WWOX: variants seen among roughly 807,000 people sequenced by gnomAD.
WWOX encodes WW domain-containing oxidoreductase.
In WWOX, 69 loss-of-function variants were observed where a neutral mutation model predicts 46.2. The observed-to-expected ratio is 1.49, with a 90% CI of 1.23 to 1.82. The LOEUF (loss-of-function observed/expected upper bound fraction) is 1.82, where lower values mean the gene tolerates loss of function less well. WWOX is among the 40% of genes most tolerant of loss of function. The pLI is 0.00. For missense variants in WWOX, 919 were observed against 542.6 expected (o/e 1.69, Z -6.89); for synonymous variants, 359 against 202.6 (o/e 1.77, Z -6.56).
chr16:78,998,055 T>C (rs954695321), intron 8 of WWOX, among the ~76,000 whole-genome samples: 3 of 152,132 alleles, frequency 2.0e-5, no homozygotes, highest in African/African-American at 4.8e-5. Flanking sequence ...TTTGTGTTTT[T>C]AGTAAAGACA....
intron 8 of WWOX, among the ~76,000 whole-genome samples, chr16:79,086,570 C>T (rs1020660906): frequency 6.6e-6 from 1 of 152,104 alleles, no homozygotes; most frequent in African/African-American, 2.4e-5. Context: ...AGACCTGACT[C>T]TGGGGTGTGG....
At chr16:78,322,609 A>C (rs998612064) in intron 5 of WWOX, among the ~76,000 whole-genome samples, 1 of 152,226 alleles carries the variant, frequency 6.6e-6, no homozygotes, top group Non-Finnish European at 1.5e-5. Flanking sequence ...GTAGACCTGA[A>C]TTAAATCTTC....
chr16:78,242,647 C>T (rs973652181), intron 5 of WWOX, among the ~76,000 whole-genome samples: 4 of 152,128 alleles, frequency 2.6e-5, no homozygotes, highest in Admixed American at 1.3e-4. Context: ...CTCTCCCGAG[C>T]CTTCTCTCCT....
At chr16:79,073,082 A>G (rs1008013877) in intron 8 of WWOX, among the ~76,000 whole-genome samples, 1 of 151,856 alleles carries the variant, frequency 6.6e-6, no homozygotes, top group Non-Finnish European at 1.5e-5. Context: ...CATTTCCTTT[A>G]TCTAGAAATC....
chr16:78,918,728 C>G (rs533213546), intron 8 of WWOX, among the ~76,000 whole-genome samples: 28 of 152,302 alleles, frequency 1.8e-4, no homozygotes, highest in African/African-American at 6.3e-4. Context: ...GGAATTTTCT[C>G]TCACTATACC....
At chr16:78,949,445 C>G (rs1451498366) in intron 8 of WWOX, among the ~76,000 whole-genome samples, 2 of 152,168 alleles carry the variant, frequency 1.3e-5, no homozygotes, top group African/African-American at 4.8e-5. Context: ...TGGACTTTTT[C>G]CTGTTGTCCC....
chr16:78,428,366 C>T (rs1171153158), intron 7 of WWOX, among the ~76,000 whole-genome samples: 1 of 152,180 alleles, frequency 6.6e-6, no homozygotes, highest in Admixed American at 6.5e-5. Flanking sequence ...GAAGCTGGCC[C>T]ACCCTTGCCA....
intron 8 of WWOX, among the ~76,000 whole-genome samples, chr16:78,545,046 T>C (rs1386246030): frequency 6.6e-6 from 1 of 152,036 alleles, no homozygotes; most frequent in East Asian, 1.9e-4. Context: ...AGAGAGAGAT[T>C]ATTTCTAGAA....
chr16:78,137,685 G>T (rs138076726), intron 4 of WWOX, among the ~76,000 whole-genome samples: 1 of 152,164 alleles, frequency 6.6e-6, no homozygotes, highest in African/African-American at 2.4e-5. Flanking sequence ...GAAACAGTCT[G>T]CTGAGGGATT....
intron 8 of WWOX, among the ~76,000 whole-genome samples, chr16:78,819,073 C>A (rs58904449): frequency 1.8e-4 from 28 of 152,130 alleles, no homozygotes; most frequent in Admixed American, 1.7e-3. Flanking sequence ...ATGAGCAGGC[C>A]CATAGTACTC....
chr16:78,195,372 C>G lies in WWOX; in HGVS notation c.516+31083C>G, dbSNP rs556732818. 2.6e-5 allele frequency among the ~76,000 whole-genome samples: 4 copies of G among 152,290 alleles called. No homozygotes were observed. The East Asian group carries it at 7.7e-4, about 29-fold the overall frequency. On this transcript the variant is annotated intron_variant, in intron 5 of 8. Transcript: ENST00000566780. ...GTGACTTTTCATCCCTGGGACCCAG[C>G]AGCTGGCTCACCTCCTACTGGTTAG...
At chr16:78,261,771 T>G (rs79087721) in intron 5 of WWOX, among the ~76,000 whole-genome samples, 470 of 42,916 alleles carry the variant, frequency 0.011, 7 homozygotes, top group East Asian at 0.055. Flanking sequence ...TATCTATCTA[T>G]GTATCTATCT....
intron 8 of WWOX, among the ~76,000 whole-genome samples, chr16:79,021,167 A>T (rs1431560662): frequency 6.6e-6 from 1 of 152,234 alleles, no homozygotes; most frequent in Non-Finnish European, 1.5e-5. Context: ...GAATATGTTT[A>T]TAAAGACAAG....
intron 8 of WWOX, among the ~76,000 whole-genome samples, chr16:78,745,395 C>A (rs2049324935): frequency 6.6e-6 from 1 of 152,126 alleles, no homozygotes; most frequent in African/African-American, 2.4e-5. Flanking sequence ...TTTCATTCTT[C>A]TTGCCGGCCT....
chr16:78,872,556 T>A lies in WWOX; in HGVS notation c.1057-339052T>A, dbSNP rs537572782. ...ATTAATCACTCTAAGCCTCAATTTC[T>A]TTGTTTTAAAAATAATTAACTAAAA... On this transcript the variant is annotated intron_variant, in intron 8 of 8. Transcript: ENST00000566780. Among the ~76,000 whole-genome samples, 9 of 152,256 alleles carry A rather than the reference T, an allele frequency of 5.9e-5. No homozygotes were observed. In the South Asian group the frequency reaches 1.9e-3, roughly 32 times the overall value.
chr16:79,134,651 A>T (rs1165636898), intron 8 of WWOX, among the ~76,000 whole-genome samples: 2 of 152,190 alleles, frequency 1.3e-5, no homozygotes, highest in African/African-American at 4.8e-5. Flanking sequence ...AGAAACATAT[A>T]CACATTTAGG....
intron 8 of WWOX, among the ~76,000 whole-genome samples, chr16:79,159,178 A>C (rs2150746580): frequency 6.6e-6 from 1 of 152,350 alleles, no homozygotes; most frequent in South Asian, 2.1e-4. Context: ...AAGAGAATAT[A>C]AAAGTTAAAA....
rs1361283903 is a variant in WWOX, at chr16:78,748,950, C to T, written c.1056+316198C>T. ...TGCAATCAAATAATTCATCTTTATG[C>T]CCGTAGGGCCGTGGTGAAATTTGAA... On this transcript the variant is annotated intron_variant, in intron 8 of 8. Coordinates refer to ENST00000566780, the MANE Select transcript of WWOX (RefSeq NM_016373.4). Among the ~76,000 whole-genome samples, 4 of 152,234 alleles carry T rather than the reference C, an allele frequency of 2.6e-5. No individual in the cohort carries two copies. The East Asian group carries it at 5.8e-4, about 22-fold the overall frequency.
chr16:78,613,105 C>A (rs897805668), intron 8 of WWOX, among the ~76,000 whole-genome samples: 2 of 152,032 alleles, frequency 1.3e-5, no homozygotes, highest in African/African-American at 2.4e-5. Flanking sequence ...CTCAGCTTCT[C>A]TTGCATGGGG....
Sources: gnomAD v4.1 joint callset for allele counts (sites outside exome capture counted in the v4.1 genomes callset) on GRCh38, gnomAD v4.1.1 for gene constraint, MANE v1.5 for transcripts, NCBI Gene and HGNC (gene_info 2026-07-23, HGNC 2026-07-21) for gene names.